The following CSMD1 variants were observed in gnomAD, a reference collection of about 807,000 sequenced individuals.
CSMD1 encodes the protein CUB and Sushi multiple domains 1.
In CSMD1, 213 loss-of-function variants were observed where a neutral mutation model predicts 417.5. The ratio of observed to expected loss-of-function variants is 0.51; its 90% CI spans 0.46 to 0.57. The LOEUF is 0.57. Ranked by LOEUF, CSMD1 falls within the 20% of genes least tolerant of loss-of-function variation. CSMD1 has a pLI of 0.00. For missense variants in CSMD1, 6,923 were observed against 4,529.7 expected, an observed-to-expected ratio of 1.53 and a Z score of -15.17; for synonymous variants, 2,862 against 1,736.8, an observed-to-expected ratio of 1.65 and a Z score of -16.11.
intron 3 of CSMD1, among the ~76,000 whole-genome samples, chr8:4,335,002 C>G (rs550442982): frequency 6.6e-6 from 1 of 152,030 alleles, no homozygotes; most frequent in African/African-American, 2.4e-5. Flanking sequence ...GCTCCGTTGC[C>G]TAAGTGATCT....
intron 37 of CSMD1, among the ~76,000 whole-genome samples, chr8:3,176,113 C>T (rs142786149): frequency 4.1e-4 from 62 of 152,118 alleles, no homozygotes; most frequent in African/African-American, 1.3e-3. Context: ...GACAGAAATA[C>T]GTATAAGCTG....
At chr8:3,771,016 G>GTC (rs1428360739) in intron 5 of CSMD1, among the ~76,000 whole-genome samples, 1 of 89,776 alleles carries the variant, frequency 1.1e-5, no homozygotes, top group Admixed American at 1.1e-4. Context: ...CTGTCAGTGT[G>GTC]TCTGTGTGTG....
chr8:3,380,158 T>C (rs886459945), intron 18 of CSMD1, among the ~76,000 whole-genome samples: 4 of 152,146 alleles, frequency 2.6e-5, no homozygotes, highest in African/African-American at 9.7e-5. Context: ...TCACTGGTCA[T>C]TAGAGAAATG....
At chr8:3,336,604 C>T (rs1807277052) in intron 23 of CSMD1, among the ~76,000 whole-genome samples, 1 of 152,202 alleles carries the variant, frequency 6.6e-6, no homozygotes, top group South Asian at 2.1e-4. Flanking sequence ...GATTTTGTCT[C>T]ACTTTACCAC....
At chr8:4,236,427 C>T (rs920902052) in intron 3 of CSMD1, among the ~76,000 whole-genome samples, 8 of 152,132 alleles carry the variant, frequency 5.3e-5, no homozygotes, top group South Asian at 2.1e-4. Flanking sequence ...AATTTTTCTC[C>T]TACACCCCGG....
At chr8:4,148,896 A>G (rs1408431935) in intron 3 of CSMD1, among the ~76,000 whole-genome samples, 1 of 152,138 alleles carries the variant, frequency 6.6e-6, no homozygotes, top group Non-Finnish European at 1.5e-5. Context: ...TTCCATTCCC[A>G]ACATAGTTCA....
intron 10 of CSMD1, among the ~76,000 whole-genome samples, chr8:3,505,551 C>G (rs1489036119): frequency 1.3e-5 from 2 of 152,136 alleles, no homozygotes; most frequent in African/African-American, 4.8e-5. Context: ...AGGAATACGT[C>G]ACCTCACAGA....
intron 5 of CSMD1, among the ~76,000 whole-genome samples, chr8:3,917,422 C>G (rs199908721): frequency 2.1e-4 from 4 of 19,296 alleles, no homozygotes; most frequent in Admixed American, 4.3e-4. Flanking sequence ...ACGAAACACA[C>G]ACACACACAC....
At chr8:4,386,112 T>G (rs1017055074) in intron 3 of CSMD1, among the ~76,000 whole-genome samples, 1 of 152,208 alleles carries the variant, frequency 6.6e-6, no homozygotes. Flanking sequence ...AATCTTGACT[T>G]TTACCCGGGA....
At chr8:3,210,629 T>G (rs1032424591) in intron 30 of CSMD1, among the ~76,000 whole-genome samples, 1 of 148,614 alleles carries the variant, frequency 6.7e-6, no homozygotes, top group Admixed American at 6.8e-5. Context: ...CAGGAATATA[T>G]ATATAAAGTG....
intron 3 of CSMD1, among the ~76,000 whole-genome samples, chr8:4,329,438 G>A (rs563734083): frequency 2.2e-4 from 34 of 152,106 alleles, no homozygotes; most frequent in South Asian, 1.2e-3. Context: ...ACAGGCAGGC[G>A]TCAGCACACT....
At chr8:4,338,506 G>T (rs963520276) in intron 3 of CSMD1, among the ~76,000 whole-genome samples, 1 of 152,082 alleles carries the variant, frequency 6.6e-6, no homozygotes, top group Non-Finnish European at 1.5e-5. Context: ...ATTGTACTTT[G>T]TACCTTCAAA....
In CSMD1 at chr8:3,932,001, G is replaced by T. The variant is rs1412465602; in HGVS notation, c.818+65902C>A. On this transcript the variant is annotated intron_variant, in intron 5 of 69. Transcript: ENST00000635120. ...AGTATTGATTTAGATGTAGAAATGG[G>T]GGAAAGGAGAAAACAATAATTTTGT... is the stretch of plus-strand genomic sequence containing the variant. Among the ~76,000 whole-genome samples the T allele has an allele frequency of 4.7e-5, 7 of 149,794 alleles. No individual in the cohort carries two copies. The East Asian group carries it at 1.4e-3, about 30-fold the overall frequency.
chr8:3,847,338 G>T (rs527484122), intron 5 of CSMD1, among the ~76,000 whole-genome samples: 1 of 152,280 alleles, frequency 6.6e-6, no homozygotes, highest in South Asian at 2.1e-4. Context: ...CCTTAAAAGT[G>T]TTCCAAGTCA....
chr8:4,321,277 G>C (rs974806227), intron 3 of CSMD1, among the ~76,000 whole-genome samples: 1 of 152,020 alleles, frequency 6.6e-6, no homozygotes, highest in Non-Finnish European at 1.5e-5. Flanking sequence ...TCGGTGTGTT[G>C]GTATGTTCAG....
chr8:4,613,326 G>A (rs917944083), intron 2 of CSMD1, among the ~76,000 whole-genome samples: 7 of 152,190 alleles, frequency 4.6e-5, no homozygotes, highest in Non-Finnish European at 8.8e-5. Flanking sequence ...ACCACCGCAG[G>A]TGGCCATGTC....
At chr8:4,437,246 A>T (rs1390753797) in intron 2 of CSMD1, among the ~76,000 whole-genome samples, 1 of 152,234 alleles carries the variant, frequency 6.6e-6, no homozygotes, top group Non-Finnish European at 1.5e-5. Flanking sequence ...CTGGTTCTGA[A>T]ATTAGGCAGT....
intron 8 of CSMD1, among the ~76,000 whole-genome samples, chr8:3,606,830 C>T (rs184090790): frequency 5.9e-5 from 9 of 151,960 alleles, no homozygotes; most frequent in African/African-American, 1.7e-4. Context: ...CCTGTCTCAG[C>T]CTCCCAAGAA....
intron 10 of CSMD1, among the ~76,000 whole-genome samples, chr8:3,525,971 G>A (rs751488100): frequency 6.6e-5 from 10 of 152,096 alleles, no homozygotes; most frequent in Non-Finnish European, 1.5e-4. Flanking sequence ...TTCAGCTCTG[G>A]TAAAATCAGC....
Sources: allele counts gnomAD v4.1 joint callset (sites outside exome capture counted in the v4.1 genomes callset), GRCh38; gene constraint gnomAD v4.1.1; transcripts MANE v1.5; gene names NCBI Gene and HGNC (gene_info 2026-07-23, HGNC 2026-07-21).